The following PKIG variants were observed in gnomAD, a reference collection of about 807,000 sequenced individuals.
PKIG encodes cAMP-dependent protein kinase inhibitor gamma, also known as protein kinase (cAMP-dependent, catalytic) inhibitor gamma.
Under a neutral mutation model 6.8 loss-of-function variants are expected in PKIG, and 1 was observed. The observed-to-expected ratio is 0.15, with a 90% CI of 0.05 to 0.69. PKIG has a LOEUF of 0.69. PKIG is among the 30% of genes least tolerant of loss of function. The probability of loss-of-function intolerance (pLI) is 0.82; values close to 1 mark genes in which losing one functional copy is unlikely to be tolerated. For missense variants in PKIG, 77 were observed against 104.0 expected (o/e 0.74, Z 1.13); for synonymous variants, 39 against 43.0 (o/e 0.91, Z 0.36).
chr20:44,550,220 A>G (rs2064655326), intron 1 of PKIG, among the ~76,000 whole-genome samples: 1 of 151,378 alleles, frequency 6.6e-6, no homozygotes. Flanking sequence ...GGGACTTCAA[A>G]AAATTCATGG....
chr20:44,545,944 C>T (rs1247921435), intron 1 of PKIG, among the ~76,000 whole-genome samples: 1 of 151,834 alleles, frequency 6.6e-6, no homozygotes, highest in Non-Finnish European at 1.5e-5. Context: ...ATTGCTTGAA[C>T]TTACTCTCAA....
chr20:44,537,996 A>T (rs2064528227), intron 1 of PKIG, among the ~76,000 whole-genome samples: 2 of 152,222 alleles, frequency 1.3e-5, no homozygotes, highest in Admixed American at 6.5e-5. Context: ...TTAAAATTTT[A>T]AAATTTAAAA....
rs114534177 is a variant in PKIG, at chr20:44,555,211, A to G, written c.-241+23233A>G. Among the ~76,000 whole-genome samples the G allele has an allele frequency of 4.1e-3, 631 of 152,366 alleles. 5 individuals are homozygous for G. Among genetic ancestry groups the G allele is most frequent in the African/African-American group, 0.014 (594 of 41,592 alleles). On this transcript the variant is annotated intron_variant, in intron 1 of 4. Coordinates refer to the PKIG transcript ENST00000372887. ...GAAATTAAGAAATGTTTTAATTTCAATTGAAAACAAACAAGTAAACAAACA... is the reference window on the plus strand; with the variant it reads ...GAAATTAAGAAATGTTTTAATTTCAGTTGAAAACAAACAAGTAAACAAACA...
At chr20:44,565,424 T>C (rs2064802439) in intron 1 of PKIG, among the ~76,000 whole-genome samples, 1 of 152,234 alleles carries the variant, frequency 6.6e-6, no homozygotes, top group South Asian at 2.1e-4. Flanking sequence ...AGTTTTAACA[T>C]CTGTGCTTGG....
chr20:44,551,033 T>G (rs972108231), intron 1 of PKIG, among the ~76,000 whole-genome samples: 22 of 152,322 alleles, frequency 1.4e-4, no homozygotes, highest in African/African-American at 5.1e-4. Context: ...GACATTATAA[T>G]TCACTCCTTA....
chr20:44,541,385 C>T (rs1477669602), intron 1 of PKIG, among the ~76,000 whole-genome samples: 1 of 152,116 alleles, frequency 6.6e-6, no homozygotes, highest in Non-Finnish European at 1.5e-5. Flanking sequence ...AACTCTGGGA[C>T]TCAAGTGATC....
At chr20:44,610,491 C>CT (rs1428924404) in intron 2 of PKIG, among the ~76,000 whole-genome samples, 58 of 143,076 alleles carry the variant, frequency 4.1e-4, no homozygotes, top group African/African-American at 1.5e-3. Flanking sequence ...TCTCTTCTCT[C>CT]TCTCTCTCTC....
chr20:44,571,171 T>C (rs1470165269), intron 1 of PKIG, among the ~76,000 whole-genome samples: 2 of 151,888 alleles, frequency 1.3e-5, no homozygotes. Context: ...GAGGCGGAGG[T>C]TGCAGTGAGC....
chr20:44,611,427 C>A (rs2065217908), intron 2 of PKIG, among the ~76,000 whole-genome samples: 1 of 152,190 alleles, frequency 6.6e-6, no homozygotes, highest in Non-Finnish European at 1.5e-5. Context: ...CTAATTGTAA[C>A]TATGTACCCG....
At chr20:44,563,404 C>T (rs971334360) in intron 1 of PKIG, among the ~76,000 whole-genome samples, 3 of 151,244 alleles carry the variant, frequency 2.0e-5, no homozygotes, top group Admixed American at 6.6e-5. Context: ...TTCTGTGGGT[C>T]GGAAGTTTGG....
At position 44,616,512 on chromosome 20, in the gene PKIG, C is replaced by G. The variant is rs543753110; in HGVS notation, c.152-1773C>G. 3.3e-5 allele frequency among the ~76,000 whole-genome samples: 5 copies of G among 152,340 alleles called. No individual in the cohort carries two copies. In the South Asian group the frequency reaches 1.0e-3, roughly 32 times the overall value. ...GGTGAGCTCTGTTCTGTCTCTCTCTCCCTCAGCAGTTGTAGCTGCTGGCCC... is the reference window on the plus strand; with the variant it reads ...GGTGAGCTCTGTTCTGTCTCTCTCTGCCTCAGCAGTTGTAGCTGCTGGCCC... On this transcript the variant is annotated intron_variant, in intron 3 of 3. Transcript: ENST00000372886.
rs183390354 is a variant in PKIG at position 44,568,544 on chromosome 20, G to A, written c.-240-14041G>A. ...TACAGTGGCACAACCTCTGCCGCCT[G>A]GTTTCAAGTGATTCTCCTGCCTCAG... On this transcript the variant is annotated intron_variant, in intron 1 of 4. Coordinates refer to the PKIG transcript ENST00000372887. 4.8e-3 allele frequency among the ~76,000 whole-genome samples: 734 copies of A among 151,936 alleles called. 1 individual carries two copies. The highest frequency in any genetic ancestry group is 6.2e-3 in the Non-Finnish European group (418 of 67,964).
intron 2 of PKIG, among the ~76,000 whole-genome samples, chr20:44,613,459 C>T (rs1370497290): frequency 2.6e-5 from 4 of 152,176 alleles, no homozygotes; most frequent in Admixed American, 2.0e-4. Context: ...CTCCTAGTTC[C>T]ATGTACCTAG....
Position 44,618,495 on chromosome 20 carries a change from TC to T in PKIG, c.*135del. 1.5e-6 allele frequency: 1 copy of T among 689,594 alleles called. No homozygotes were observed. The allele number at this position is 689,594 out of a possible 1,614,324, so 42.7% of individuals were successfully genotyped here. A position where few individuals can be genotyped will look rare whatever the true frequency, so the allele number is the denominator to read the frequency against. On this transcript the variant is annotated 3_prime_UTR_variant, in exon 4 of 4. Coordinates refer to ENST00000372886, the MANE Select transcript of PKIG (RefSeq NM_001281445.2). Reference sequence around the variant, plus strand: ...ATAAACCAGGCCAGACTGAGAAGGCTCCCCAGAGGCCTCTGTGGCCTCCACT... The same window carrying T: ...ATAAACCAGGCCAGACTGAGAAGGCTCCCAGAGGCCTCTGTGGCCTCCACT...
chr20:44,592,272 T>C (rs1224411698), intron 2 of PKIG, among the ~76,000 whole-genome samples: 7 of 152,196 alleles, frequency 4.6e-5, no homozygotes, highest in Non-Finnish European at 2.9e-5. Context: ...TCGTGCTCTC[T>C]GACTTCTGTG....
chr20:44,577,873 T>C (rs2064912671), upstream of PKIG, among the ~76,000 whole-genome samples: 1 of 152,208 alleles, frequency 6.6e-6, no homozygotes, highest in East Asian at 1.9e-4. Flanking sequence ...TATTGGTGGA[T>C]AGCTGTTGGA....
chr20:44,584,516 G>A (rs554629904), intron 1 of PKIG, among the ~76,000 whole-genome samples: 16 of 150,346 alleles, frequency 1.1e-4, no homozygotes, highest in Admixed American at 5.9e-4. Flanking sequence ...AGCAAAAGAC[G>A]TCAGATCTTG....
chr20:44,564,471 G>T (rs2064793606), intron 1 of PKIG: 1 of 147,274 alleles, frequency 6.8e-6, no homozygotes. Flanking sequence ...CTATTTTAGT[G>T]TTTTTTTTTT....
intron 2 of PKIG, among the ~76,000 whole-genome samples, chr20:44,610,500 TCACACACA>T (rs559846553): frequency 2.0e-4 from 27 of 135,492 alleles, no homozygotes; most frequent in South Asian, 1.8e-3. Flanking sequence ...TCTCTCTCTC[TCACACACA>T]CACACACACA....
Sources: allele counts gnomAD v4.1 joint callset (sites outside exome capture counted in the v4.1 genomes callset), GRCh38; gene constraint gnomAD v4.1.1; transcripts MANE v1.5; gene names NCBI Gene and HGNC (gene_info 2026-07-23, HGNC 2026-07-21).